Variants in CPZ observed in about 807,000 individuals in gnomAD.
CPZ encodes carboxypeptidase Z.
Under a neutral mutation model 61.8 loss-of-function variants are expected in CPZ, and 103 were observed. The observed-to-expected ratio is 1.67, with a 90% CI of 1.42 to 1.96. The LOEUF is 1.96. CPZ is among the 30% of genes most tolerant of loss of function. CPZ has a pLI of 0.00. For synonymous variants in CPZ, 551 were observed against 373.7 expected (o/e 1.47, Z -5.47); for missense variants, 1,461 against 914.9 (o/e 1.60, Z -7.70).
intron 4 of CPZ, among the ~76,000 whole-genome samples, chr4:8,605,299 C>T (rs993146402): frequency 7.0e-6 from 1 of 143,212 alleles, no homozygotes. Flanking sequence ...GTCCACTCTT[C>T]TTCCTATAGT....
intron 7 of CPZ, among the ~76,000 whole-genome samples, chr4:8,609,160 T>TCATTCACTCACC (rs1300702288): frequency 1.0e-4 from 14 of 137,110 alleles, no homozygotes; most frequent in African/African-American, 2.7e-4. Flanking sequence ...ACTCCCTCAC[T>TCATTCACTCACC]CATTCACTCA....
At chr4:8,606,930 A>C (rs1361307228) in intron 6 of CPZ, 32 bp downstream of exon 6, 1 of 1,561,420 alleles carries the variant, frequency 6.4e-7, no homozygotes, top group South Asian at 1.2e-5. Flanking sequence ...GCTGGTCTCC[A>C]CCAAGGCATC....
intron 4 of CPZ, among the ~76,000 whole-genome samples, chr4:8,605,146 G>A (rs971738085): frequency 1.4e-4 from 21 of 152,342 alleles, no homozygotes; most frequent in African/African-American, 4.6e-4. Context: ...TGAGGAACAC[G>A]GGTGTTTCCT....
At chr4:8,595,368 G>T (rs1322679953) in intron 1 of CPZ, among the ~76,000 whole-genome samples, 2 of 152,228 alleles carry the variant, frequency 1.3e-5, no homozygotes, top group Admixed American at 1.3e-4. Context: ...GTCCCACGGT[G>T]GTTGGGGTGG....
intron 7 of CPZ, among the ~76,000 whole-genome samples, chr4:8,609,121 C>CATTT (rs1560297873): frequency 2.6e-4 from 4 of 15,600 alleles, no homozygotes; most frequent in South Asian, 0.012. Context: ...CTCACTCCCT[C>CATTT]ACTCATTCAC....
chr4:8,606,258 T>C, intron 5 of CPZ, 73 bp downstream of exon 5: 1 of 1,428,374 alleles, frequency 7.0e-7, no homozygotes, highest in East Asian at 2.5e-5. Context: ...TTATGAGTAG[T>C]TTATCCCAGC....
In CPZ at chr4:8,605,841, G is replaced by T. The variant is rs1030946633; in HGVS notation, c.710-148G>T. On this transcript the variant is annotated intron_variant, in intron 4 of 10. Transcript: ENST00000360986. The stretch of plus-strand genomic sequence containing the variant: ...TTAACAAAAGTGATGACCTTGATGA[G>T]ACCTCATTATATACAGAGGTTCTTG... 8.7e-5 allele frequency: 63 copies of T among 721,694 alleles called. No individual in the cohort carries two copies. In the East Asian group the frequency reaches 1.6e-3, roughly 19 times the overall value. The allele number at this position is 721,694 out of a possible 1,614,324, so 44.7% of individuals were successfully genotyped here.
chr4:8,619,477 G>A lies in CPZ; in HGVS notation c.1819G>A (p.Ala607Thr), dbSNP rs1205540215. ...RTGPHDPLGG[A>T]SSLGEATEPD... ...TGGGCCCCACGACCCACTGGGAGGT[G>A]CCAGCTCTTTGGGGGAGGCCACGGA... The change falls in exon 11 of 11, where the codon GCC (alanine) becomes ACC (threonine). Residue 607 changes from alanine (A) to threonine (T), a missense_variant. Coordinates refer to ENST00000360986, the MANE Select transcript of CPZ (RefSeq NM_001014447.3). The A allele has an allele frequency of 1.9e-6, 3 of 1,609,112 alleles. No individual in the cohort carries two copies. Among genetic ancestry groups the A allele is most frequent in the African/African-American group, 1.3e-5 (1 of 74,774 alleles).
At chr4:8,604,216 G>A (rs368955647) in intron 4 of CPZ, 28 bp downstream of exon 4, 271 of 1,501,706 alleles carry the variant, frequency 1.8e-4, no homozygotes, top group Non-Finnish European at 2.3e-4. Context: ...AGCCTGGCCT[G>A]GCCCCGTTTC....
At chr4:8,607,756 G>T (rs1179414472) in intron 7 of CPZ, among the ~76,000 whole-genome samples, 1 of 152,166 alleles carries the variant, frequency 6.6e-6, no homozygotes, top group African/African-American at 2.4e-5. Flanking sequence ...GGGGTCCCCA[G>T]TGCTTCCCAC....
Position 8,614,709 on chromosome 4 carries a change from C to T in CPZ, c.1503+211C>T, listed in dbSNP as rs551633628. Reference sequence around the variant, plus strand: ...GCGTGCTCTGTGGGTGCTGGGGTGGCGGTGCCATGTGTTGGAGTCCCTGTG... The same window carrying T: ...GCGTGCTCTGTGGGTGCTGGGGTGGTGGTGCCATGTGTTGGAGTCCCTGTG... On this transcript the variant is annotated intron_variant, in intron 9 of 10. Coordinates refer to ENST00000360986, the MANE Select transcript of CPZ (RefSeq NM_001014447.3). Among the ~76,000 whole-genome samples the T allele has an allele frequency of 1.6e-3, 239 of 152,280 alleles. 1 individual carries two copies. Among genetic ancestry groups the T allele is most frequent in the African/African-American group, 5.5e-3 (230 of 41,546 alleles).
At chr4:8,593,998 T>C (rs1300579932) in intron 1 of CPZ, among the ~76,000 whole-genome samples, 1 of 152,104 alleles carries the variant, frequency 6.6e-6, no homozygotes, top group Non-Finnish European at 1.5e-5. Flanking sequence ...CATAGGCTTG[T>C]TGGAGACCAC....
chr4:8,618,141 C>G (rs1228833833), intron 9 of CPZ: 7 of 417,040 alleles, frequency 1.7e-5, no homozygotes, highest in South Asian at 1.0e-4. Context: ...AAAGGGTTCT[C>G]TGCTCAATGC....
intron 9 of CPZ, among the ~76,000 whole-genome samples, chr4:8,617,373 A>G (rs1160209247): frequency 6.6e-6 from 1 of 152,178 alleles, no homozygotes; most frequent in Non-Finnish European, 1.5e-5. Flanking sequence ...CTCTCGGGCT[A>G]ATGTCCCGGG....
chr4:8,614,591 T>C, intron 9 of CPZ, 93 bp downstream of exon 9: 1 of 1,340,600 alleles, frequency 7.5e-7, no homozygotes, highest in Non-Finnish European at 1.0e-6. Context: ...GTAGCCTCAC[T>C]GCCCCATACA....
chr4:8,607,429 A>G lies in CPZ; in HGVS notation c.1227+4A>G. The G allele has an allele frequency of 3.7e-6, 6 of 1,613,722 alleles. No homozygotes were observed. The highest frequency in any genetic ancestry group is 2.2e-5 in the East Asian group (1 of 44,868). On this transcript the variant is annotated splice_donor_region_variant and intron_variant, in intron 7 of 10. Transcript: ENST00000360986. ...TTCTCCCACGCCCGACGAGAAGGTG[A>G]GAGGGCTGTCGGGTGTGTGCAGGGG...
chr4:8,609,196 T>C (rs1182791389), intron 7 of CPZ, among the ~76,000 whole-genome samples: 1 of 124,048 alleles, frequency 8.1e-6, no homozygotes, highest in Non-Finnish European at 1.8e-5. Context: ...ATTCACTCAC[T>C]CCCTCACTCA....
intron 2 of CPZ, chr4:8,599,752 TC>T: frequency 1.6e-6 from 1 of 631,122 alleles, no homozygotes; most frequent in Non-Finnish European, 2.5e-6. Flanking sequence ...CCCTCTCCAG[TC>T]CCCACTGCAG....
intron 10 of CPZ, among the ~76,000 whole-genome samples, chr4:8,618,911 C>A (rs1399021515): frequency 3.3e-5 from 5 of 151,992 alleles, no homozygotes; most frequent in African/African-American, 9.7e-5. Flanking sequence ...GCTGTCCTTA[C>A]AGGAATTTCA....
Sources: allele counts gnomAD v4.1 joint callset (sites outside exome capture counted in the v4.1 genomes callset), GRCh38; gene constraint gnomAD v4.1.1; transcripts MANE v1.5; gene names NCBI Gene and HGNC (gene_info 2026-07-23, HGNC 2026-07-21).